Variants in ADAMTS3 observed in about 807,000 individuals in gnomAD.
ADAMTS3 encodes the protein ADAM metallopeptidase with thrombospondin type 1 motif 3.
In ADAMTS3, 73 loss-of-function variants were observed where a neutral mutation model predicts 129.0. The ratio of observed to expected loss-of-function variants is 0.57; its 90% CI spans 0.47 to 0.69. The LOEUF is 0.69. Ranked by LOEUF, ADAMTS3 falls within the 30% of genes least tolerant of loss-of-function variation. ADAMTS3 has a pLI of 0.00. For synonymous variants in ADAMTS3, 477 were observed against 510.8 expected (o/e 0.93, Z 0.89); for missense variants, 1,457 against 1,514.5 (o/e 0.96, Z 0.63).
In ADAMTS3 at chr4:72,548,267, G is replaced by A. The variant is rs183369031; in HGVS notation, c.504+211C>T. Among the ~76,000 whole-genome samples, 73 of 151,952 alleles carry A rather than the reference G, an allele frequency of 4.8e-4. 1 individual carries two copies. Among genetic ancestry groups the A allele is most frequent in the African/African-American group, 1.6e-3 (68 of 41,424 alleles). On this transcript the variant is annotated intron_variant, in intron 3 of 21. Transcript: ENST00000286657. ...GACTTTTGTTTCTTGGAATAATGTCGTCTTCGCATTATTCCAAGAAACAAA... is the reference window on the plus strand; with the variant it reads ...GACTTTTGTTTCTTGGAATAATGTCATCTTCGCATTATTCCAAGAAACAAA...
Position 72,569,014 on chromosome 4 carries a change from G to T in ADAMTS3, c.-252C>A. ...CCCAACACAGAGTGTGCAGGAGCGAGAAGGTGCTGTAAGCGGGCACAGGCT... is the reference window on the plus strand; with the variant it reads ...CCCAACACAGAGTGTGCAGGAGCGATAAGGTGCTGTAAGCGGGCACAGGCT... On this transcript the variant is annotated 5_prime_UTR_variant, in exon 1 of 22. Transcript: ENST00000286657. 1 of 553,936 alleles carries T rather than the reference G, an allele frequency of 1.8e-6. No individual in the cohort carries two copies. The allele number at this position is 553,936 out of a possible 1,614,324, so 34.3% of individuals were successfully genotyped here.
intron 21 of ADAMTS3, among the ~76,000 whole-genome samples, chr4:72,287,715 G>C (rs991533782): frequency 1.3e-5 from 2 of 152,026 alleles, no homozygotes; most frequent in Non-Finnish European, 2.9e-5. Context: ...GAGCAAGACA[G>C]ACACCAAAAA....
chr4:72,403,064 GT>G (rs1276881460), intron 4 of ADAMTS3, among the ~76,000 whole-genome samples: 14 of 152,084 alleles, frequency 9.2e-5, no homozygotes, highest in Admixed American at 9.2e-4. Context: ...CAGTCAAAGT[GT>G]TCTTTAAGCT....
intron 4 of ADAMTS3, among the ~76,000 whole-genome samples, chr4:72,350,225 T>C (rs913558215): frequency 1.3e-5 from 2 of 152,084 alleles, no homozygotes; most frequent in African/African-American, 4.8e-5. Flanking sequence ...AGAGAAACAC[T>C]GTTACTACAT....
At chr4:72,487,050 A>C (rs563099784) in intron 3 of ADAMTS3, among the ~76,000 whole-genome samples, 25 of 152,126 alleles carry the variant, frequency 1.6e-4, no homozygotes, top group Non-Finnish European at 3.4e-4. Context: ...AGAAGAAAAA[A>C]TATTCTGAGA....
chr4:72,393,434 T>C (rs1215746615), intron 4 of ADAMTS3, among the ~76,000 whole-genome samples: 2 of 152,160 alleles, frequency 1.3e-5, no homozygotes, highest in Admixed American at 6.5e-5. Context: ...AATATGTAAG[T>C]AATAAATGAA....
intron 3 of ADAMTS3, among the ~76,000 whole-genome samples, chr4:72,460,966 A>G (rs1388648040): frequency 6.6e-6 from 1 of 151,674 alleles, no homozygotes; most frequent in Non-Finnish European, 1.5e-5. Context: ...ACCAGAAAGA[A>G]GCTAAATGTC....
chr4:72,435,449 C>A (rs1053163668), intron 3 of ADAMTS3, among the ~76,000 whole-genome samples: 26 of 151,848 alleles, frequency 1.7e-4, no homozygotes, highest in African/African-American at 6.0e-4. Context: ...AATTTTTACA[C>A]TGAACATGTA....
At chr4:72,415,775 T>C (rs1373793012) in intron 3 of ADAMTS3, among the ~76,000 whole-genome samples, 4 of 152,086 alleles carry the variant, frequency 2.6e-5, no homozygotes, top group African/African-American at 9.7e-5. Context: ...GATGTTTTTT[T>C]CTAAAATGCG....
In ADAMTS3 at chr4:72,299,352, T is replaced by C. The variant is rs561682072; in HGVS notation, c.2425-910A>G. Among the ~76,000 whole-genome samples, 335 of 146,132 alleles carry C rather than the reference T, an allele frequency of 2.3e-3. 3 individuals carry two copies. The highest frequency in any genetic ancestry group is 8.4e-3 in the African/African-American group (306 of 36,456). ...GATATCAATGTAGCTAAATTGCACT[T>C]GTACAAAAAAAAGTTAAAAAAAGAA... On this transcript the variant is annotated intron_variant, in intron 17 of 21. Coordinates refer to ENST00000286657, the MANE Select transcript of ADAMTS3 (RefSeq NM_014243.3).
At position 72,309,513 on chromosome 4, in the gene ADAMTS3, C is replaced by T; in HGVS notation, c.2063G>A (p.Gly688Asp). The T allele has an allele frequency of 6.2e-7, 1 of 1,611,380 alleles. No homozygotes were observed. The highest frequency in any genetic ancestry group is 2.2e-5 in the East Asian group (1 of 44,768). Residue 688 changes from glycine to aspartate, a missense_variant, in exon 15 of 22, where the codon GGC becomes GAC. Physicochemically the swap from Gly to Asp is moderately conservative, Grantham distance 94 (BLOSUM62 -1). Transcript: ENST00000286657. ...ATTAGAACCAATTTCTTTATCACAG[C>T]CCACTTTCTGGAGAGAGAAGATGTC... The part of the protein sequence containing the change: ...ICVRGECVKV[G>D]CDKEIGSNKV...
At chr4:72,446,432 C>T (rs1398444318) in intron 3 of ADAMTS3, among the ~76,000 whole-genome samples, 1 of 151,528 alleles carries the variant, frequency 6.6e-6, no homozygotes, top group Non-Finnish European at 1.5e-5. Context: ...ATCATTTCCT[C>T]AAATCAGAAC....
intron 3 of ADAMTS3, among the ~76,000 whole-genome samples, chr4:72,422,784 A>G (rs1012928142): frequency 3.3e-5 from 5 of 152,196 alleles, no homozygotes; most frequent in Non-Finnish European, 5.9e-5. Context: ...AATTCTCATC[A>G]GAGCATAAAT....
rs1487205849 is a variant in ADAMTS3 at position 72,455,930 on chromosome 4, T to TTA, written c.505-40961_505-40960dup. On this transcript the variant is annotated intron_variant, in intron 3 of 21. Transcript: ENST00000286657. Reference sequence around the variant, plus strand: ...ACACTGTATATATACTATATATATTTTATATATAGTATATATACAGTATAT... The same window carrying TTA: ...ACACTGTATATATACTATATATATTTTATATATATAGTATATATACAGTATAT... Among the ~76,000 whole-genome samples, 49 of 111,516 alleles carry TTA rather than the reference T, an allele frequency of 4.4e-4. 1 individual carries two copies. The highest frequency in any genetic ancestry group is 1.7e-3 in the African/African-American group (47 of 28,430). 73.2% of individuals were successfully genotyped at this position (111,516 alleles called of 152,430 possible).
At chr4:72,476,717 T>TAAATTACA (rs1280156322) in intron 3 of ADAMTS3, among the ~76,000 whole-genome samples, 6 of 151,898 alleles carry the variant, frequency 4.0e-5, no homozygotes, top group African/African-American at 1.5e-4. Context: ...ACATCAACAT[T>TAAATTACA]CCTCATAAAT....
chr4:72,322,918 A>G (rs551805853), intron 6 of ADAMTS3, 96 bp downstream of exon 6: 3 of 970,280 alleles, frequency 3.1e-6, no homozygotes, highest in South Asian at 2.7e-5. Context: ...TATGGAATAT[A>G]TCTATGCCTT....
chr4:72,523,087 C>T (rs1720715421), intron 3 of ADAMTS3, among the ~76,000 whole-genome samples: 1 of 151,866 alleles, frequency 6.6e-6, no homozygotes, highest in Admixed American at 6.6e-5. Flanking sequence ...TTAGATATTA[C>T]CCAATAATTT....
intron 4 of ADAMTS3, among the ~76,000 whole-genome samples, chr4:72,388,609 T>C (rs1370928523): frequency 6.6e-6 from 1 of 152,178 alleles, no homozygotes; most frequent in African/African-American, 2.4e-5. Flanking sequence ...TAAATAAATG[T>C]CTTTTCTGTT....
intron 3 of ADAMTS3, among the ~76,000 whole-genome samples, chr4:72,476,969 G>A (rs6846656): frequency 6.6e-6 from 1 of 152,020 alleles, no homozygotes; most frequent in Non-Finnish European, 1.5e-5. Context: ...TCATTTGACA[G>A]AATTCAATAT....
Sources: gnomAD v4.1 joint callset for allele counts (sites outside exome capture counted in the v4.1 genomes callset) on GRCh38, gnomAD v4.1.1 for gene constraint, MANE v1.5 for transcripts, NCBI Gene and HGNC (gene_info 2026-07-23, HGNC 2026-07-21) for gene names.